Variants in ADD3 observed in about 807,000 individuals in gnomAD.
ADD3 encodes adducin 3.
A neutral mutation model predicts 80.2 loss-of-function variants in ADD3; 25 were observed. The ratio of observed to expected loss-of-function variants is 0.31; its 90% CI spans 0.23 to 0.44. The LOEUF (loss-of-function observed/expected upper bound fraction) is 0.44, where lower values mean the gene tolerates loss of function less well. Among genes scored for constraint, ADD3 ranks in the 20% least tolerant of loss-of-function variants. The pLI is 1.00. For synonymous variants in ADD3, 284 were observed against 289.6 expected, an observed-to-expected ratio of 0.98 and a Z score of 0.20; for missense variants, 829 against 847.5, an observed-to-expected ratio of 0.98 and a Z score of 0.27.
At chr10:110,073,438 G>A (rs765599521) in intron 1 of ADD3, among the ~76,000 whole-genome samples, 7 of 152,046 alleles carry the variant, frequency 4.6e-5, no homozygotes, top group South Asian at 2.1e-4. Flanking sequence ...CACCGTGCCC[G>A]GCCCTAGTTT....
At chr10:110,017,533 GT>G (rs1486717981) in intron 1 of ADD3, among the ~76,000 whole-genome samples, 1 of 152,074 alleles carries the variant, frequency 6.6e-6, no homozygotes, top group African/African-American at 2.4e-5. Flanking sequence ...TACTGAAGAG[GT>G]TTTGGCTGGG....
chr10:110,007,604 G>A (rs1589691281), upstream of ADD3, among the ~76,000 whole-genome samples: 1 of 152,184 alleles, frequency 6.6e-6, no homozygotes, highest in Admixed American at 6.5e-5. Context: ...GATTCGAGCT[G>A]CACAGTCAGA....
At chr10:110,001,315 T>C (rs892007615), upstream of ADD3, among the ~76,000 whole-genome samples, 5 of 151,090 alleles carry the variant, frequency 3.3e-5, no homozygotes, top group South Asian at 4.2e-4. Context: ...CCAGGAAGGC[T>C]GAGGTGGGAG....
intron 1 of ADD3, among the ~76,000 whole-genome samples, chr10:110,033,945 C>T (rs1855345013): frequency 6.6e-6 from 1 of 152,120 alleles, no homozygotes; most frequent in Admixed American, 6.5e-5. Context: ...ACTTTCTGTA[C>T]CATCTCTTAA....
chr10:110,049,467 G>C (rs1468147677), intron 1 of ADD3, among the ~76,000 whole-genome samples: 2 of 152,230 alleles, frequency 1.3e-5, no homozygotes, highest in African/African-American at 4.8e-5. Context: ...AAAGCAGCCT[G>C]AGTGGTGCTG....
intron 1 of ADD3, among the ~76,000 whole-genome samples, chr10:110,033,942 G>C (rs576019757): frequency 6.6e-6 from 1 of 152,256 alleles, no homozygotes; most frequent in South Asian, 2.1e-4. Context: ...ACTACTTTCT[G>C]TACCATCTCT....
At chr10:110,070,910 G>A (rs1000612863) in intron 1 of ADD3, among the ~76,000 whole-genome samples, 13 of 140,108 alleles carry the variant, frequency 9.3e-5, no homozygotes, top group Middle Eastern at 3.9e-3. Flanking sequence ...GAGAAGCTGA[G>A]AGTGTTAGTA....
chr10:110,034,160 C>G (rs1855370948), intron 1 of ADD3, among the ~76,000 whole-genome samples: 1 of 151,998 alleles, frequency 6.6e-6, no homozygotes, highest in South Asian at 2.1e-4. Context: ...TAACAAATCT[C>G]TAGAGTTTAT....
At chr10:110,078,972 C>T (rs1030509495) in intron 1 of ADD3, among the ~76,000 whole-genome samples, 3 of 152,120 alleles carry the variant, frequency 2.0e-5, no homozygotes, top group African/African-American at 7.2e-5. Context: ...ATACTCTTAT[C>T]TTTTCCTAAA....
chr10:110,031,312 T>C (rs919935776), intron 1 of ADD3, among the ~76,000 whole-genome samples: 5 of 152,092 alleles, frequency 3.3e-5, no homozygotes, highest in Admixed American at 2.6e-4. Flanking sequence ...ATGGCTACTA[T>C]CCATTGGGCA....
chr10:110,062,510 G>A (rs1165598990), intron 1 of ADD3, among the ~76,000 whole-genome samples: 4 of 152,002 alleles, frequency 2.6e-5, no homozygotes, highest in Non-Finnish European at 5.9e-5. Flanking sequence ...AGCCCAGGAG[G>A]TCAGGGCTGC....
At chr10:110,050,968 G>T (rs1302571179) in intron 1 of ADD3, among the ~76,000 whole-genome samples, 2 of 152,194 alleles carry the variant, frequency 1.3e-5, no homozygotes, top group East Asian at 1.9e-4. Context: ...AGGGCAATTT[G>T]CCAGTATCAA....
At chr10:110,088,593 T>G (rs1180570729) in intron 1 of ADD3, among the ~76,000 whole-genome samples, 1 of 152,226 alleles carries the variant, frequency 6.6e-6, no homozygotes. Flanking sequence ...CAAATCCAAC[T>G]GCTTTGCAGT....
intron 1 of ADD3, among the ~76,000 whole-genome samples, chr10:110,063,753 A>ATATATATATATATATATATG: frequency 1.8e-5 from 1 of 55,632 alleles, no homozygotes; most frequent in East Asian, 1.3e-3. Flanking sequence ...ATATATATAT[A>ATATATATATATATATATATG]TATATATATA....
At chr10:110,026,969 A>G (rs768765765) in intron 1 of ADD3, among the ~76,000 whole-genome samples, 5 of 152,210 alleles carry the variant, frequency 3.3e-5, no homozygotes, top group Non-Finnish European at 5.9e-5. Context: ...TCCCAAAATC[A>G]TCAGATGCTA....
chr10:110,060,350 A>G lies in ADD3; in HGVS notation c.-29-40275A>G, dbSNP rs72828275. Among the ~76,000 whole-genome samples, 602 of 152,350 alleles carry G rather than the reference A, an allele frequency of 4.0e-3. 1 individual carries two copies. Among genetic ancestry groups the G allele is most frequent in the Non-Finnish European group, 6.4e-3 (434 of 68,030 alleles). ...TAGCTAAGTACTAGGTTGTAGGCAGATAGTGGATTAAATATGGAGTGTGTG... is the reference window on the plus strand; with the variant it reads ...TAGCTAAGTACTAGGTTGTAGGCAGGTAGTGGATTAAATATGGAGTGTGTG... On this transcript the variant is annotated intron_variant, in intron 1 of 14. Coordinates refer to ENST00000356080, the MANE Select transcript of ADD3 (RefSeq NM_016824.5).
At chr10:110,090,115 G>T (rs1847293522) in intron 1 of ADD3, among the ~76,000 whole-genome samples, 1 of 149,732 alleles carries the variant, frequency 6.7e-6, no homozygotes, top group African/African-American at 2.5e-5. Context: ...CGTCGTTAGT[G>T]ACACAGAGGT....
chr10:110,116,539 C>A, intron 4 of ADD3, 129 bp downstream of exon 4: 1 of 900,638 alleles, frequency 1.1e-6, no homozygotes, highest in Non-Finnish European at 1.7e-6. Flanking sequence ...AGATCACAAC[C>A]AAATACTGAT....
intron 13 of ADD3, among the ~76,000 whole-genome samples, chr10:110,131,492 C>T (rs1404251999): frequency 6.6e-6 from 1 of 152,192 alleles, no homozygotes; most frequent in African/African-American, 2.4e-5. Flanking sequence ...CCACAACATA[C>T]AGTTGAAATT....
Sources: gnomAD v4.1 joint callset for allele counts (sites outside exome capture counted in the v4.1 genomes callset) on GRCh38, gnomAD v4.1.1 for gene constraint, MANE v1.5 for transcripts, NCBI Gene and HGNC (gene_info 2026-07-23, HGNC 2026-07-21) for gene names.